CSF1R: variants seen among roughly 807,000 people sequenced by gnomAD.
CSF1R encodes macrophage colony-stimulating factor 1 receptor.
CSF1R carries 40 observed loss-of-function variants against 110.0 expected under a neutral mutation model. The ratio of observed to expected loss-of-function variants is 0.36; its 90% CI spans 0.28 to 0.47. CSF1R has a LOEUF of 0.47. CSF1R is among the 20% of genes least tolerant of loss of function. The pLI, the probability that CSF1R is intolerant of heterozygous loss-of-function variation, is 0.99. For missense variants in CSF1R, 1,052 were observed against 1,253.0 expected, an observed-to-expected ratio of 0.84 and a Z score of 2.42; for synonymous variants, 523 against 503.4, an observed-to-expected ratio of 1.04 and a Z score of -0.52.
rs781108577 is a variant in CSF1R, at chr5:150,061,828, A to T, written c.1648T>A (p.Trp550Arg). The change falls in exon 11 of 21, where the codon TGG (tryptophan) becomes AGG (arginine). Residue 550 changes from tryptophan to arginine, a missense_variant. Transcript: ENST00000675795. The stretch of plus-strand genomic sequence containing the variant: ...CCCTCATAGCTCTCGATGATCTTCC[A>T]GCGGACCTGGTACTTGGGCTTCTGC... ...YKQKPKYQVR[W>R]KIIESYEGNS... 6.2e-7 allele frequency: 1 copy of T among 1,614,192 alleles called. No individual in the cohort carries two copies. Among genetic ancestry groups the T allele is most frequent in the Non-Finnish European group, 8.5e-7 (1 of 1,180,018 alleles).
intron 1 of CSF1R, among the ~76,000 whole-genome samples, chr5:150,097,833 G>C (rs994296226): frequency 3.9e-5 from 6 of 152,182 alleles, no homozygotes; most frequent in African/African-American, 1.4e-4. Context: ...TTCTTCTCCA[G>C]GTTAACCTAC....
intron 1 of CSF1R, among the ~76,000 whole-genome samples, chr5:150,083,025 G>A (rs1193943184): frequency 1.3e-5 from 2 of 152,024 alleles, no homozygotes; most frequent in Non-Finnish European, 2.9e-5. Context: ...GTCAGGGAGC[G>A]GTGTCTGCCC....
Position 150,054,114 on chromosome 5 carries a change from ATCCCCTTGCTCGCAGCAGG to A in CSF1R, c.2855_2873del (p.Thr952IlefsTer125). 1 of 1,614,100 alleles carries A rather than the reference ATCCCCTTGCTCGCAGCAGG, an allele frequency of 6.2e-7. No individual in the cohort carries two copies. Among genetic ancestry groups the A allele is most frequent in the Non-Finnish European group, 8.5e-7 (1 of 1,180,022 alleles). On this transcript the variant is annotated frameshift_variant, in exon 21 of 21. Coordinates refer to ENST00000675795, the MANE Select transcript of CSF1R (RefSeq NM_001288705.3). LOFTEE classifies it high-confidence loss of function. Reference sequence around the variant, plus strand: ...TGGGCTGCAGCAAGGGCTGGGCGATATCCCCTTGCTCGCAGCAGGTCAGGTGCTCACTAGAGCTCTCCTC... The same window carrying A: ...TGGGCTGCAGCAAGGGCTGGGCGATATCAGGTGCTCACTAGAGCTCTCCTC...
chr5:150,102,925 C>A (rs1036167374), intron 1 of CSF1R, among the ~76,000 whole-genome samples: 1 of 152,202 alleles, frequency 6.6e-6, no homozygotes, highest in Non-Finnish European at 1.5e-5. Flanking sequence ...GTAGTCAAAT[C>A]TGTTGTCTTT....
chr5:150,088,583 G>A (rs553156431), upstream of CSF1R, among the ~76,000 whole-genome samples: 25 of 151,534 alleles, frequency 1.6e-4, no homozygotes, highest in Non-Finnish European at 3.5e-4. Flanking sequence ...ACTCAGGCTG[G>A]AGTGCAGTGG....
chr5:150,072,193 G>A (rs1003964856), intron 6 of CSF1R, among the ~76,000 whole-genome samples: 1 of 152,112 alleles, frequency 6.6e-6, no homozygotes, highest in East Asian at 1.9e-4. Context: ...GAAAGGGCAG[G>A]GTATGAATGA....
rs377388187 is a variant in CSF1R, at chr5:150,056,023, C to A, written c.2554+3G>T. The A allele has an allele frequency of 6.2e-7, 1 of 1,613,792 alleles. No individual in the cohort carries two copies. The highest frequency in any genetic ancestry group is 1.1e-5 in the South Asian group (1 of 91,038). ...TCTGCCTGGAGTGGGCCCAGTGGCT[C>A]ACCAAGTGAGAAGATCTCCCAGAGG... On this transcript the variant is annotated splice_donor_region_variant and intron_variant, in intron 18 of 20. Coordinates refer to ENST00000675795, the MANE Select transcript of CSF1R (RefSeq NM_001288705.3).
chr5:150,107,457 A>C (rs558732118), intron 1 of CSF1R, among the ~76,000 whole-genome samples: 13 of 152,358 alleles, frequency 8.5e-5, no homozygotes, highest in African/African-American at 3.1e-4. Flanking sequence ...CTCTGGACTG[A>C]GCTATTTGCA....
chr5:150,058,234 C>CCTGGG, intron 14 of CSF1R: 1 of 456,264 alleles, frequency 2.2e-6, no homozygotes, highest in Non-Finnish European at 4.4e-6. Context: ...GGTGGATGGG[C>CCTGGG]CTGAGGTGGT....
chr5:150,099,617 G>A (rs942247457), intron 1 of CSF1R, among the ~76,000 whole-genome samples: 2 of 152,138 alleles, frequency 1.3e-5, no homozygotes, highest in Non-Finnish European at 2.9e-5. Flanking sequence ...CTAAGTGAAA[G>A]AAGCCAGATT....
At chr5:150,060,581 C>T (rs1180486231) in intron 13 of CSF1R, among the ~76,000 whole-genome samples, 1 of 152,050 alleles carries the variant, frequency 6.6e-6, no homozygotes, top group Non-Finnish European at 1.5e-5. Context: ...CCAGAGGATC[C>T]GGCTCCCTGG....
At chr5:150,059,314 G>A (rs1305001550) in intron 14 of CSF1R, among the ~76,000 whole-genome samples, 1 of 152,182 alleles carries the variant, frequency 6.6e-6, no homozygotes, top group Non-Finnish European at 1.5e-5. Flanking sequence ...AAAGTGCTGG[G>A]ATTACAGGCA....
intron 2 of CSF1R, 111 bp from the exon 3 acceptor site, chr5:150,080,447 C>T: frequency 1.5e-6 from 2 of 1,373,502 alleles, no homozygotes; most frequent in Admixed American, 2.2e-5. Flanking sequence ...CATCTGAGGT[C>T]ACACCACGCC....
At chr5:150,064,852 T>TCC (rs893633231) in intron 10 of CSF1R, among the ~76,000 whole-genome samples, 3 of 152,040 alleles carry the variant, frequency 2.0e-5, no homozygotes, top group African/African-American at 7.2e-5. Context: ...TCAGGAACCC[T>TCC]CCCCTGCCCC....
intron 14 of CSF1R, 22 bp downstream of exon 14, chr5:150,059,678 C>A: frequency 6.2e-7 from 1 of 1,611,160 alleles, no homozygotes; most frequent in Non-Finnish European, 8.5e-7. Context: ...TGGCCTTTTT[C>A]TTGTCCTTTG....
At chr5:150,055,753 AGACAAAGGAGGGAAACAGT>A (rs1217895645) in intron 18 of CSF1R, among the ~76,000 whole-genome samples, 14 of 152,252 alleles carry the variant, frequency 9.2e-5, no homozygotes, top group Admixed American at 7.8e-4. Flanking sequence ...TGTAGATTTC[AGACAAAGGAGGGAAACAGT>A]GACAAAGGAG....
intron 1 of CSF1R, among the ~76,000 whole-genome samples, chr5:150,110,556 T>C (rs1451484848): frequency 6.6e-6 from 1 of 152,240 alleles, no homozygotes; most frequent in Non-Finnish European, 1.5e-5. Context: ...CATGGACCTA[T>C]GAGTATGCCC....
At chr5:150,074,450 G>T (rs1443950864) in intron 5 of CSF1R, among the ~76,000 whole-genome samples, 3 of 151,960 alleles carry the variant, frequency 2.0e-5, no homozygotes, top group Non-Finnish European at 2.9e-5. Flanking sequence ...TGGGACAACA[G>T]TTGCATGCCA....
chr5:150,064,697 G>A lies in CSF1R; in HGVS notation c.1627-2848C>T, dbSNP rs560329348. Among the ~76,000 whole-genome samples, 4 of 152,342 alleles carry A rather than the reference G, an allele frequency of 2.6e-5. No homozygotes were observed. The East Asian group carries it at 7.7e-4, about 29-fold the overall frequency. ...CTCTGTCCCTCTGCAGCTGGGCTGA[G>A]TCAGCCCCTCCCTGCCCCCAGCTGG... On this transcript the variant is annotated intron_variant, in intron 10 of 20. Transcript: ENST00000675795.
Sources: allele counts gnomAD v4.1 joint callset (sites outside exome capture counted in the v4.1 genomes callset), GRCh38; gene constraint gnomAD v4.1.1; transcripts MANE v1.5; gene names NCBI Gene and HGNC (gene_info 2026-07-23, HGNC 2026-07-21).